The following NAALADL2 variants were observed in gnomAD, a reference collection of about 807,000 sequenced individuals.
NAALADL2 encodes inactive N-acetylated-alpha-linked acidic dipeptidase-like protein 2.
NAALADL2 carries 76 observed loss-of-function variants against 87.2 expected under a neutral mutation model. That is an observed-to-expected ratio of 0.87 (90% CI 0.72 to 1.05). NAALADL2 has a LOEUF of 1.05. Ranked by LOEUF, NAALADL2 falls within the 50% of genes least tolerant of loss-of-function variation. NAALADL2 has a pLI of 0.00. For synonymous variants in NAALADL2, 354 were observed against 331.0 expected, an observed-to-expected ratio of 1.07 and a Z score of -0.75; for missense variants, 1,089 against 945.8, an observed-to-expected ratio of 1.15 and a Z score of -1.99.
At chr3:175,064,719 G>A (rs1385685903) in intron 1 of NAALADL2, among the ~76,000 whole-genome samples, 1 of 152,164 alleles carries the variant, frequency 6.6e-6, no homozygotes, top group Admixed American at 6.5e-5. Context: ...TCTTACTCAT[G>A]TAGCTCATAC....
At chr3:175,271,823 G>A (rs115117424) in intron 4 of NAALADL2, among the ~76,000 whole-genome samples, 248 of 152,062 alleles carry the variant, frequency 1.6e-3, no homozygotes, top group Middle Eastern at 0.014. Flanking sequence ...TTAAAAAGCC[G>A]CCACTTAAAT....
In NAALADL2 at chr3:175,467,163, T is replaced by G. The variant is rs765002933; in HGVS notation, c.1512T>G (p.Ile504Met). The change falls in exon 8 of 14, where the codon ATT (isoleucine) becomes ATG (methionine). Residue 504 changes from isoleucine to methionine, a missense_variant. By Grantham distance (10) the Ile-to-Met change is conservative. Coordinates refer to ENST00000454872, the MANE Select transcript of NAALADL2 (RefSeq NM_207015.3). ...CSWGGTAFGNIGSYEWGEDFK... is the reference protein window; with the variant it reads ...CSWGGTAFGNMGSYEWGEDFK... ...GGGGAGGAACAGCTTTTGGCAATATTGGCTCATATGAATGGGGAGAGGTAA... is the reference window on the plus strand; with the variant it reads ...GGGGAGGAACAGCTTTTGGCAATATGGGCTCATATGAATGGGGAGAGGTAA... 3.7e-6 allele frequency: 6 copies of G among 1,613,664 alleles called. No homozygotes were observed. The highest frequency in any genetic ancestry group is 5.1e-6 in the Non-Finnish European group (6 of 1,179,720).
At chr3:175,215,717 T>G (rs1413489051) in intron 2 of NAALADL2, among the ~76,000 whole-genome samples, 1 of 152,146 alleles carries the variant, frequency 6.6e-6, no homozygotes, top group Non-Finnish European at 1.5e-5. Context: ...AATTAATGAA[T>G]TCAGTTCTTA....
intron 1 of NAALADL2, among the ~76,000 whole-genome samples, chr3:175,094,757 AGTGTGTGTGTGTGTGTGTGTGT>A (rs369083345): frequency 7.9e-6 from 1 of 125,968 alleles, no homozygotes; most frequent in African/African-American, 2.7e-5. Context: ...CAGACACTAT[AGTGTGTGTGTGTGTGTGTGTGT>A]GTGTGTGTGT....
intron 13 of NAALADL2, among the ~76,000 whole-genome samples, chr3:175,775,413 C>T (rs1750091611): frequency 6.6e-6 from 1 of 152,000 alleles, no homozygotes; most frequent in Admixed American, 6.6e-5. Flanking sequence ...TCAAAATTCA[C>T]CTTATAGCTA....
At chr3:174,794,684 A>C (rs1296046627) in intron 3 of NAALADL2, among the ~76,000 whole-genome samples, 2 of 152,166 alleles carry the variant, frequency 1.3e-5, no homozygotes, top group Non-Finnish European at 2.9e-5. Context: ...TTTATTTTAA[A>C]AACATGTTAC....
At chr3:175,580,401 G>A (rs1719586076) in intron 10 of NAALADL2, among the ~76,000 whole-genome samples, 2 of 152,178 alleles carry the variant, frequency 1.3e-5, no homozygotes, top group South Asian at 2.1e-4. Flanking sequence ...GATTTTTCAT[G>A]TTTTACTTTA....
intron 1 of NAALADL2, among the ~76,000 whole-genome samples, chr3:174,453,423 A>G (rs920240939): frequency 3.9e-5 from 6 of 152,176 alleles, no homozygotes; most frequent in African/African-American, 1.4e-4. Context: ...CAGAGAACCC[A>G]GTAAAATACT....
chr3:175,154,011 C>T (rs1056470747), intron 2 of NAALADL2, among the ~76,000 whole-genome samples: 1 of 152,084 alleles, frequency 6.6e-6, no homozygotes, highest in East Asian at 1.9e-4. Flanking sequence ...TCATCTTTTT[C>T]CCCAAAATGG....
At chr3:175,182,841 G>A (rs1350808) in intron 2 of NAALADL2, among the ~76,000 whole-genome samples, 110,165 of 151,636 alleles carry the variant, frequency 0.73, 40,665 homozygotes, top group Non-Finnish European at 0.8. Flanking sequence ...TTTCCTCTCT[G>A]TTTTCTTCTA....
chr3:175,333,353 A>G (rs1389096857), intron 5 of NAALADL2, among the ~76,000 whole-genome samples: 1 of 152,172 alleles, frequency 6.6e-6, no homozygotes, highest in Non-Finnish European at 1.5e-5. Context: ...TTCTTTTAGT[A>G]ATAGTAGCTG....
At chr3:175,534,137 G>C (rs1734477134) in intron 9 of NAALADL2, among the ~76,000 whole-genome samples, 1 of 150,816 alleles carries the variant, frequency 6.6e-6, no homozygotes, top group Non-Finnish European at 1.5e-5. Flanking sequence ...GCATTTTGGG[G>C]ATGAATCATA....
At chr3:174,972,882 G>C (rs1213709691) in intron 1 of NAALADL2, among the ~76,000 whole-genome samples, 1 of 151,844 alleles carries the variant, frequency 6.6e-6, no homozygotes, top group Non-Finnish European at 1.5e-5. Flanking sequence ...CATAATCCCA[G>C]CTAGTCGGGA....
At chr3:174,978,295 T>C in intron 1 of NAALADL2, among the ~76,000 whole-genome samples, 1 of 152,246 alleles carries the variant, frequency 6.6e-6, no homozygotes, top group Non-Finnish European at 1.5e-5. Context: ...CATATGATTT[T>C]AAGTTATTTA....
intron 6 of NAALADL2, among the ~76,000 whole-genome samples, chr3:175,449,610 G>T (rs547698144): frequency 2.0e-4 from 31 of 151,840 alleles, no homozygotes; most frequent in African/African-American, 7.2e-4. Context: ...AACCAGGATG[G>T]TCTCGATTTC....
In NAALADL2 at chr3:175,038,449, C is replaced by T. The variant is rs536014083; in HGVS notation, c.44-58341C>T. The stretch of plus-strand genomic sequence containing the variant: ...CTATTTGCTCACCCCTGGAGCAGTA[C>T]ACACAATTGCAAGTTGTAGACCTTT... On this transcript the variant is annotated intron_variant, in intron 1 of 13. Transcript: ENST00000454872. Among the ~76,000 whole-genome samples, 9 of 152,272 alleles carry T rather than the reference C, an allele frequency of 5.9e-5. No individual in the cohort carries two copies. The South Asian group carries it at 1.9e-3, about 32-fold the overall frequency.
At chr3:175,065,760 T>C (rs1326746242) in intron 1 of NAALADL2, among the ~76,000 whole-genome samples, 3 of 152,224 alleles carry the variant, frequency 2.0e-5, no homozygotes, top group Non-Finnish European at 2.9e-5. Flanking sequence ...TAAAAGCACA[T>C]TCAGGAAACT....
chr3:175,390,425 T>G (rs894082898), intron 5 of NAALADL2, among the ~76,000 whole-genome samples: 1 of 152,142 alleles, frequency 6.6e-6, no homozygotes. Context: ...AATTGGTAAA[T>G]TCAGGAAACT....
intron 5 of NAALADL2, among the ~76,000 whole-genome samples, chr3:175,330,559 A>G (rs1292593255): frequency 6.6e-6 from 1 of 152,196 alleles, no homozygotes; most frequent in East Asian, 1.9e-4. Context: ...AATGAACAAC[A>G]TGCTCCTAAA....
Sources: gnomAD v4.1 joint callset for allele counts (sites outside exome capture counted in the v4.1 genomes callset) on GRCh38, gnomAD v4.1.1 for gene constraint, MANE v1.5 for transcripts, NCBI Gene and HGNC (gene_info 2026-07-23, HGNC 2026-07-21) for gene names.